Variants in MAML2 observed in about 807,000 individuals in gnomAD.
The protein encoded by MAML2 is mastermind-like protein 2.
In MAML2, 22 loss-of-function variants were observed where a neutral mutation model predicts 96.1. That is an observed-to-expected ratio of 0.23 (90% CI 0.16 to 0.33). The LOEUF (loss-of-function observed/expected upper bound fraction) is 0.33. MAML2 is among the 10% of genes least tolerant of loss of function. The pLI, the probability that MAML2 is intolerant of heterozygous loss-of-function variation, is 1.00. For synonymous variants in MAML2, 561 were observed against 521.3 expected, an observed-to-expected ratio of 1.08 and a Z score of -1.04; for missense variants, 1,367 against 1,392.4, an observed-to-expected ratio of 0.98 and a Z score of 0.29.
chr11:96,288,013 G>A (rs928763044), intron 1 of MAML2, among the ~76,000 whole-genome samples: 1 of 152,118 alleles, frequency 6.6e-6, no homozygotes, highest in African/African-American at 2.4e-5. Context: ...ATGGTATCCT[G>A]ATACACTTTC....
chr11:96,238,382 C>T (rs1862392201), intron 1 of MAML2, among the ~76,000 whole-genome samples: 1 of 152,174 alleles, frequency 6.6e-6, no homozygotes, highest in Non-Finnish European at 1.5e-5. Context: ...GCAAGTGAGA[C>T]AAGATTTATT....
chr11:96,032,800 G>T (rs936339189), intron 2 of MAML2, among the ~76,000 whole-genome samples: 1 of 152,118 alleles, frequency 6.6e-6, no homozygotes, highest in African/African-American at 2.4e-5. Context: ...TGGCAAAAGG[G>T]TATATACTGT....
At chr11:96,289,500 T>A (rs1050060540) in intron 1 of MAML2, among the ~76,000 whole-genome samples, 59 of 152,180 alleles carry the variant, frequency 3.9e-4, no homozygotes, top group Admixed American at 1.4e-3. Context: ...GAGTCCAGAT[T>A]TTTAATGCAT....
intron 1 of MAML2, among the ~76,000 whole-genome samples, chr11:96,207,914 C>T (rs561062398): frequency 1.5e-4 from 23 of 151,986 alleles, no homozygotes; most frequent in South Asian, 1.0e-3. Context: ...TTTTTTAAGC[C>T]CTCACTTCCT....
chr11:96,066,936 G>A (rs139627853), intron 2 of MAML2, among the ~76,000 whole-genome samples: 7 of 152,188 alleles, frequency 4.6e-5, no homozygotes, highest in African/African-American at 1.2e-4. Context: ...AGGCAGGAGC[G>A]GCTGGAGGAT....
chr11:96,129,481 G>A (rs539530768), intron 1 of MAML2, among the ~76,000 whole-genome samples: 1 of 152,166 alleles, frequency 6.6e-6, no homozygotes, highest in Admixed American at 6.5e-5. Flanking sequence ...TTATACCCTT[G>A]GCTGCATGCT....
At chr11:96,307,563 G>T (rs1042954945) in intron 1 of MAML2, among the ~76,000 whole-genome samples, 2 of 152,120 alleles carry the variant, frequency 1.3e-5, no homozygotes, top group Non-Finnish European at 2.9e-5. Context: ...TCTTAAAGCT[G>T]CAACTCCGAC....
intron 4 of MAML2, among the ~76,000 whole-genome samples, chr11:95,982,806 T>C (rs916896626): frequency 3.9e-5 from 6 of 152,072 alleles, no homozygotes; most frequent in African/African-American, 1.4e-4. Context: ...TCCCATAAGA[T>C]TATAGTGGAG....
chr11:96,200,705 G>A (rs1861808485), intron 1 of MAML2, among the ~76,000 whole-genome samples: 1 of 152,164 alleles, frequency 6.6e-6, no homozygotes. Context: ...ATCTGTAATA[G>A]TGCAAAGCAT....
chr11:96,246,324 T>C (rs886607092), intron 1 of MAML2, among the ~76,000 whole-genome samples: 1 of 152,078 alleles, frequency 6.6e-6, no homozygotes, highest in Non-Finnish European at 1.5e-5. Context: ...AAGGAGGTGT[T>C]TATAAGTAGA....
chr11:96,184,651 G>A (rs1273813987), intron 1 of MAML2, among the ~76,000 whole-genome samples: 4 of 146,518 alleles, frequency 2.7e-5, no homozygotes, highest in Non-Finnish European at 6.0e-5. Flanking sequence ...GTGCGGTGGC[G>A]CTGTCTGGGC....
chr11:96,310,172 TATGCAAA>T (rs1395912901), intron 1 of MAML2, among the ~76,000 whole-genome samples: 1 of 152,186 alleles, frequency 6.6e-6, no homozygotes, highest in Non-Finnish European at 1.5e-5. Flanking sequence ...TGAGAACTGA[TATGCAAA>T]GAAGCCTACT....
chr11:96,243,479 GC>G (rs1862466012), intron 1 of MAML2, among the ~76,000 whole-genome samples: 1 of 152,174 alleles, frequency 6.6e-6, no homozygotes, highest in Admixed American at 6.5e-5. Flanking sequence ...CCAGGCACGC[GC>G]GGAGCCAGAC....
At chr11:96,254,984 A>T (rs1320337868) in intron 1 of MAML2, among the ~76,000 whole-genome samples, 1 of 151,562 alleles carries the variant, frequency 6.6e-6, no homozygotes, top group Non-Finnish European at 1.5e-5. Flanking sequence ...CCCAGCTAAA[A>T]TTTTTTTGGC....
chr11:96,227,271 A>G (rs987642670), intron 1 of MAML2, among the ~76,000 whole-genome samples: 2 of 152,150 alleles, frequency 1.3e-5, no homozygotes, highest in African/African-American at 4.8e-5. Context: ...GTTTCCTTCT[A>G]ATAGGTATAT....
At chr11:96,337,898 C>G (rs1863939657) in intron 1 of MAML2, among the ~76,000 whole-genome samples, 1 of 152,246 alleles carries the variant, frequency 6.6e-6, no homozygotes, top group Non-Finnish European at 1.5e-5. Flanking sequence ...TGATTGTCCT[C>G]TCTGTTCCAC....
chr11:96,209,719 G>C (rs16923285), intron 1 of MAML2, among the ~76,000 whole-genome samples: 8,164 of 152,194 alleles, frequency 0.054, 705 homozygotes, highest in African/African-American at 0.19. Context: ...AAAATCTGTA[G>C]GCTCCTTTAA....
chr11:96,070,393 C>G (rs1193674129), intron 2 of MAML2, among the ~76,000 whole-genome samples: 4 of 152,242 alleles, frequency 2.6e-5, no homozygotes, highest in African/African-American at 9.6e-5. Flanking sequence ...GAGAGAAGAG[C>G]TGCAGCCCCT....
chr11:96,216,214 GA>G (rs1434950790), intron 1 of MAML2, among the ~76,000 whole-genome samples: 1 of 152,316 alleles, frequency 6.6e-6, no homozygotes, highest in East Asian at 1.9e-4. Flanking sequence ...GTGTTGCACA[GA>G]GGGAAGAACC....
Sources: allele counts gnomAD v4.1 joint callset (sites outside exome capture counted in the v4.1 genomes callset), GRCh38; gene constraint gnomAD v4.1.1; transcripts MANE v1.5; gene names NCBI Gene and HGNC (gene_info 2026-07-23, HGNC 2026-07-21).